Variants in CNTN5 observed in about 807,000 individuals in gnomAD.
CNTN5 encodes the protein contactin 5, also known as contactin-5.
A neutral mutation model predicts 129.1 loss-of-function variants in CNTN5; 77 were observed. That is an observed-to-expected ratio of 0.60 (90% CI 0.50 to 0.72). The LOEUF is 0.72. Ranked by LOEUF, CNTN5 falls within the 30% of genes least tolerant of loss-of-function variation. CNTN5 has a pLI of 0.00. For missense variants in CNTN5, 1,478 were observed against 1,328.8 expected, an observed-to-expected ratio of 1.11 and a Z score of -1.75; for synonymous variants, 509 against 465.6, an observed-to-expected ratio of 1.09 and a Z score of -1.20.
chr11:99,576,526 G>A (rs889725480), intron 3 of CNTN5, among the ~76,000 whole-genome samples: 7 of 152,140 alleles, frequency 4.6e-5, no homozygotes, highest in Non-Finnish European at 8.8e-5. Context: ...GCAATGTCCA[G>A]GACAGACACT....
chr11:100,234,478 G>C (rs1448540748), intron 16 of CNTN5, among the ~76,000 whole-genome samples: 2 of 152,068 alleles, frequency 1.3e-5, no homozygotes, highest in African/African-American at 4.8e-5. Flanking sequence ...AAAAAGATGA[G>C]TTCATGTCTT....
chr11:100,014,065 G>T (rs936488721), intron 9 of CNTN5, among the ~76,000 whole-genome samples: 1 of 152,124 alleles, frequency 6.6e-6, no homozygotes, highest in African/African-American at 2.4e-5. Flanking sequence ...TTCATATGCA[G>T]TTCTTAGAAT....
chr11:99,250,536 G>C (rs1351266224), intron 1 of CNTN5, among the ~76,000 whole-genome samples: 2 of 151,850 alleles, frequency 1.3e-5, no homozygotes, highest in East Asian at 1.9e-4. Flanking sequence ...AAAAATCTAA[G>C]GAAATGCAAG....
intron 3 of CNTN5, among the ~76,000 whole-genome samples, chr11:99,579,188 A>C (rs1003733731): frequency 6.6e-6 from 1 of 152,092 alleles, no homozygotes; most frequent in Non-Finnish European, 1.5e-5. Context: ...CCATTGGTCT[A>C]TATCCTGTTT....
chr11:100,112,757 G>C (rs1160285170), intron 13 of CNTN5, among the ~76,000 whole-genome samples: 1 of 152,106 alleles, frequency 6.6e-6, no homozygotes, highest in African/African-American at 2.4e-5. Flanking sequence ...TAAAAATAAA[G>C]AAGTGAAAGT....
At chr11:99,239,965 G>A (rs989918649) in intron 1 of CNTN5, among the ~76,000 whole-genome samples, 13 of 151,142 alleles carry the variant, frequency 8.6e-5, no homozygotes, top group South Asian at 6.3e-4. Context: ...AATTTAAAAA[G>A]CGAGTAGTCC....
At chr11:99,998,231 G>A (rs1939592230) in intron 8 of CNTN5, among the ~76,000 whole-genome samples, 3 of 152,036 alleles carry the variant, frequency 2.0e-5, no homozygotes, top group South Asian at 4.1e-4. Flanking sequence ...GTTTGCAGAC[G>A]ACATGATTGC....
At chr11:99,484,788 G>C (rs146324696) in intron 2 of CNTN5, among the ~76,000 whole-genome samples, 2 of 151,804 alleles carry the variant, frequency 1.3e-5, no homozygotes, top group Admixed American at 1.3e-4. Context: ...GGAACAGAAA[G>C]TTAAACACCA....
At chr11:100,006,612 T>C (rs555598916) in intron 9 of CNTN5, among the ~76,000 whole-genome samples, 1 of 152,270 alleles carries the variant, frequency 6.6e-6, no homozygotes, top group Non-Finnish European at 1.5e-5. Flanking sequence ...CCTGTTCCAC[T>C]TCTAGTTCTT....
At chr11:100,203,891 C>T (rs11223194) in intron 15 of CNTN5, among the ~76,000 whole-genome samples, 11,604 of 151,388 alleles carry the variant, frequency 0.077, 451 homozygotes, top group Non-Finnish European at 0.085. Flanking sequence ...CAACATTTTT[C>T]TCTTATTATT....
At chr11:99,241,301 C>T (rs1269613482) in intron 1 of CNTN5, among the ~76,000 whole-genome samples, 2 of 139,582 alleles carry the variant, frequency 1.4e-5, no homozygotes, top group Non-Finnish European at 3.1e-5. Context: ...TTGTGACACT[C>T]CTTCATTTGA....
chr11:99,490,469 T>C (rs1281196286), intron 2 of CNTN5, among the ~76,000 whole-genome samples: 1 of 152,210 alleles, frequency 6.6e-6, no homozygotes, highest in Non-Finnish European at 1.5e-5. Context: ...ACTTTTAGTG[T>C]ACTCTTCTTA....
intron 2 of CNTN5, among the ~76,000 whole-genome samples, chr11:99,444,936 CAT>C (rs1378431217): frequency 6.6e-6 from 1 of 151,470 alleles, no homozygotes; most frequent in East Asian, 1.9e-4. Flanking sequence ...CCTGAATACT[CAT>C]ATGATCAAAA....
intron 3 of CNTN5, among the ~76,000 whole-genome samples, chr11:99,566,489 C>G (rs780056093): frequency 6.6e-6 from 1 of 152,148 alleles, no homozygotes; most frequent in Non-Finnish European, 1.5e-5. Context: ...CGTGTTTTGT[C>G]TTCCTGTAAA....
intron 1 of CNTN5, among the ~76,000 whole-genome samples, chr11:99,277,238 T>C (rs1388640248): frequency 6.6e-6 from 1 of 151,768 alleles, no homozygotes; most frequent in Non-Finnish European, 1.5e-5. Flanking sequence ...CATATATTTA[T>C]TAACCAGTTG....
chr11:99,335,439 G>C (rs1866180663), intron 2 of CNTN5, among the ~76,000 whole-genome samples: 1 of 151,908 alleles, frequency 6.6e-6, no homozygotes, highest in Non-Finnish European at 1.5e-5. Context: ...TTTGGAAGTT[G>C]CTTTAGTCTG....
intron 1 of CNTN5, chr11:99,049,585 T>A (rs1269151767): frequency 6.6e-6 from 1 of 152,110 alleles, no homozygotes; most frequent in African/African-American, 2.4e-5. Context: ...TTTTTTCAAA[T>A]CCCAGTCATC....
chr11:99,134,089 C>A (rs888852325), intron 1 of CNTN5, among the ~76,000 whole-genome samples: 17 of 152,236 alleles, frequency 1.1e-4, no homozygotes, highest in Non-Finnish European at 2.1e-4. Flanking sequence ...GGAATGAAAT[C>A]ATATCTTTTG....
chr11:99,305,804 A>T (rs1864848251), intron 1 of CNTN5, among the ~76,000 whole-genome samples: 1 of 151,832 alleles, frequency 6.6e-6, no homozygotes, highest in Admixed American at 6.6e-5. Context: ...AACAAGGTGA[A>T]ACCCCATCTC....
Sources: gnomAD v4.1 joint callset for allele counts (sites outside exome capture counted in the v4.1 genomes callset) on GRCh38, gnomAD v4.1.1 for gene constraint, MANE v1.5 for transcripts, NCBI Gene and HGNC (gene_info 2026-07-23, HGNC 2026-07-21) for gene names.